Variants in NTRK3 observed in about 807,000 individuals in gnomAD.
NTRK3 encodes neurotrophic receptor tyrosine kinase 3, also known as NT-3 growth factor receptor.
NTRK3 carries 24 observed loss-of-function variants against 91.7 expected under a neutral mutation model. That is an observed-to-expected ratio of 0.26 (90% CI 0.19 to 0.37). The LOEUF is 0.37. Ranked by LOEUF, NTRK3 falls within the 10% of genes least tolerant of loss-of-function variation. NTRK3 has a pLI of 1.00. For missense variants in NTRK3, 880 were observed against 1,068.9 expected, an observed-to-expected ratio of 0.82 and a Z score of 2.46; for synonymous variants, 483 against 404.0, an observed-to-expected ratio of 1.20 and a Z score of -2.34.
exon 19 of NTRK3, chr15:87,870,601 A>G (rs1188048515): frequency 4.8e-6 from 1 of 209,646 alleles, no homozygotes; most frequent in African/African-American, 2.3e-5. Flanking sequence ...GTATATATAA[A>G]ATAAGTCTTG....
exon 19 of NTRK3, chr15:87,868,787 C>T (rs973752623): frequency 4.5e-6 from 1 of 224,214 alleles, no homozygotes; most frequent in Non-Finnish European, 8.9e-6. Context: ...AGATGACAAA[C>T]CAGTGCTTAG....
At chr15:88,181,277 C>A (rs1300596627) in intron 5 of NTRK3, among the ~76,000 whole-genome samples, 1 of 152,136 alleles carries the variant, frequency 6.6e-6, no homozygotes, top group Non-Finnish European at 1.5e-5. Context: ...ACCCACAAAG[C>A]CTTGGGAATC....
intron 5 of NTRK3, among the ~76,000 whole-genome samples, chr15:88,154,218 A>T (rs1457705519): frequency 2.6e-5 from 4 of 151,880 alleles, no homozygotes; most frequent in African/African-American, 9.7e-5. Flanking sequence ...TGACCCTGTG[A>T]CTACTTCTGT....
rs1340768950 is a variant in NTRK3, at chr15:88,056,200, ATATT to A, written c.1397-23159_1397-23156del. Among the ~76,000 whole-genome samples the A allele has an allele frequency of 6.6e-3, 660 of 99,938 alleles. 5 individuals are homozygous for A. Among genetic ancestry groups the A allele is most frequent in the Middle Eastern group, 0.026 (5 of 194 alleles). The allele number at this position is 99,938 out of a possible 152,430, so 65.6% of individuals were successfully genotyped here. On this transcript the variant is annotated intron_variant, in intron 13 of 18. Transcript: ENST00000394480. ...CATATATATATATATATATATATATATATTTTTTTTTTAATGTAGAACCTTGATC... is the reference window on the plus strand; with the variant it reads ...CATATATATATATATATATATATATATTTTTTTTAATGTAGAACCTTGATC...
chr15:87,914,547 T>C (rs2067313444), intron 17 of NTRK3, among the ~76,000 whole-genome samples: 1 of 152,258 alleles, frequency 6.6e-6, no homozygotes, highest in Non-Finnish European at 1.5e-5. Flanking sequence ...ATGTATTTTT[T>C]AATTAAGTAA....
chr15:88,044,509 C>A (rs1271712789), intron 13 of NTRK3, among the ~76,000 whole-genome samples: 2 of 151,924 alleles, frequency 1.3e-5, no homozygotes, highest in Non-Finnish European at 2.9e-5. Context: ...GATCTGCCCG[C>A]CTTGGCCTTC....
intron 13 of NTRK3, among the ~76,000 whole-genome samples, chr15:88,116,439 A>T (rs963499687): frequency 5.4e-4 from 73 of 136,156 alleles, no homozygotes; most frequent in Middle Eastern, 3.6e-3. Context: ...ACAAAAATTT[A>T]AAAAAAAAAA....
At chr15:88,072,947 A>G (rs2047218280) in intron 13 of NTRK3, 1 of 221,952 alleles carries the variant, frequency 4.5e-6, no homozygotes, top group African/African-American at 2.2e-5. Flanking sequence ...TTAAGCATCA[A>G]CCATTAGTTT....
At chr15:87,971,716 C>T (rs1481480851) in intron 14 of NTRK3, among the ~76,000 whole-genome samples, 3 of 152,202 alleles carry the variant, frequency 2.0e-5, no homozygotes, top group Non-Finnish European at 2.9e-5. Context: ...GCTCAAGAAC[C>T]TAGCTGTGAG....
In NTRK3 at chr15:88,038,698, CTAAAAA is replaced by C. The variant is rs2079298313; in HGVS notation, c.1397-5659_1397-5654del. ...ATTTTGCTGTGAACCTAAAATCACT[CTAAAAA>C]TAAAGTCTAAAAGACAAAAATTTTA... is the stretch of plus-strand genomic sequence containing the variant. On this transcript the variant is annotated intron_variant, in intron 13 of 18. Coordinates refer to ENST00000394480, the Ensembl canonical transcript of NTRK3. Among the ~76,000 whole-genome samples the C allele has an allele frequency of 2.0e-5, 3 of 152,076 alleles. No individual in the cohort carries two copies. The South Asian group carries it at 6.2e-4, about 32-fold the overall frequency.
At chr15:88,157,424 G>A (rs1049220600) in intron 5 of NTRK3, among the ~76,000 whole-genome samples, 15 of 152,012 alleles carry the variant, frequency 9.9e-5, no homozygotes, top group South Asian at 4.2e-4. Context: ...CAGGATCCCC[G>A]TCCCTTCTGG....
exon 19 of NTRK3, chr15:87,860,060 C>T (rs753764620): frequency 1.4e-5 from 3 of 207,428 alleles, no homozygotes; most frequent in Non-Finnish European, 2.9e-5. Flanking sequence ...GAAAAGAGTT[C>T]GCCTTCCTGT....
At chr15:88,043,324 C>T (rs2079840092) in intron 13 of NTRK3, among the ~76,000 whole-genome samples, 1 of 152,136 alleles carries the variant, frequency 6.6e-6, no homozygotes, top group Non-Finnish European at 1.5e-5. Context: ...GTTTTTGGCC[C>T]GAGGCCCCAT....
At chr15:88,064,537 T>A (rs901764362) in intron 13 of NTRK3, among the ~76,000 whole-genome samples, 6 of 152,152 alleles carry the variant, frequency 3.9e-5, no homozygotes, top group Non-Finnish European at 8.8e-5. Context: ...TTTTCACAGA[T>A]CATGACACTA....
intron 14 of NTRK3, among the ~76,000 whole-genome samples, chr15:88,021,688 C>G (rs1032003962): frequency 4.1e-4 from 62 of 152,232 alleles, no homozygotes; most frequent in African/African-American, 1.5e-3. Context: ...CAGTTGTACT[C>G]TTGGCTTCTT....
At chr15:87,910,681 AC>A (rs1306529790) in intron 17 of NTRK3, among the ~76,000 whole-genome samples, 1 of 152,198 alleles carries the variant, frequency 6.6e-6, no homozygotes, top group Non-Finnish European at 1.5e-5. Flanking sequence ...CAGCACCCAA[AC>A]TTAAAATGAG....
chr15:88,149,701 A>C (rs1037603755), intron 5 of NTRK3, among the ~76,000 whole-genome samples: 2 of 152,216 alleles, frequency 1.3e-5, no homozygotes, highest in Admixed American at 1.3e-4. Context: ...GCTCCTGCTC[A>C]GAAGGGTGGA....
At chr15:88,122,144 C>T (rs1480164086) in intron 13 of NTRK3, among the ~76,000 whole-genome samples, 1 of 152,200 alleles carries the variant, frequency 6.6e-6, no homozygotes, top group Admixed American at 6.5e-5. Flanking sequence ...TAAATTAAAA[C>T]ACTCACAGAG....
intron 13 of NTRK3, among the ~76,000 whole-genome samples, chr15:88,046,175 T>C (rs962936621): frequency 6.6e-6 from 1 of 152,154 alleles, no homozygotes; most frequent in East Asian, 1.9e-4. Flanking sequence ...GGGAGTTCAA[T>C]CTATGGGCAT....
Sources: allele counts gnomAD v4.1 joint callset (sites outside exome capture counted in the v4.1 genomes callset), GRCh38; gene constraint gnomAD v4.1.1; transcripts MANE v1.5; gene names NCBI Gene and HGNC (gene_info 2026-07-23, HGNC 2026-07-21).